The following PTPRG variants were observed in gnomAD, a reference collection of about 807,000 sequenced individuals.
The protein encoded by PTPRG is receptor-type tyrosine-protein phosphatase gamma.
Under a neutral mutation model 165.3 loss-of-function variants are expected in PTPRG, and 102 were observed. That is an observed-to-expected ratio of 0.62 (90% CI 0.53 to 0.73). The LOEUF is 0.73. Ranked by LOEUF, PTPRG falls within the 30% of genes least tolerant of loss-of-function variation. The pLI is 0.00. For missense variants in PTPRG, 1,866 were observed against 1,861.4 expected, an observed-to-expected ratio of 1.00 and a Z score of -0.05; for synonymous variants, 675 against 669.5, an observed-to-expected ratio of 1.01 and a Z score of -0.13.
rs776434402 is a variant in PTPRG, at chr3:62,281,625, C to G, written c.3828C>G (p.Thr1276=). The part of the protein sequence containing the change: ...REESMNCEAF[T]VTLISKDRLC... Reference sequence around the variant, plus strand: ...AATCCATGAACTGTGAGGCCTTTACCGTCACCCTTATCAGCAAAGACAGAC... The same window carrying G: ...AATCCATGAACTGTGAGGCCTTTACGGTCACCCTTATCAGCAAAGACAGAC... The change falls in exon 27 of 30, where the codon ACC becomes ACG. Residue 1276 remains threonine (T), a synonymous_variant. Coordinates refer to ENST00000474889, the MANE Select transcript of PTPRG (RefSeq NM_002841.4). 6.4e-7 allele frequency: 1 copy of G among 1,571,160 alleles called. No homozygotes were observed.
intron 8 of PTPRG, among the ~76,000 whole-genome samples, chr3:62,171,807 T>C (rs1480877333): frequency 6.6e-6 from 1 of 152,156 alleles, no homozygotes; most frequent in Non-Finnish European, 1.5e-5. Context: ...CACAAAGTCA[T>C]GCACCCATTG....
At chr3:61,676,186 A>G (rs1703208887) in intron 1 of PTPRG, among the ~76,000 whole-genome samples, 1 of 152,084 alleles carries the variant, frequency 6.6e-6, no homozygotes, top group Non-Finnish European at 1.5e-5. Flanking sequence ...AGGCGGGCAC[A>G]GTGGCTCACG....
intron 15 of PTPRG, among the ~76,000 whole-genome samples, chr3:62,248,112 T>G (rs972002711): frequency 1.3e-5 from 2 of 152,190 alleles, no homozygotes; most frequent in Admixed American, 1.3e-4. Flanking sequence ...TGAGGTTAAT[T>G]AGCCATGTTA....
chr3:61,676,205 C>T (rs1473641280), intron 1 of PTPRG, among the ~76,000 whole-genome samples: 3 of 151,824 alleles, frequency 2.0e-5, no homozygotes, highest in African/African-American at 7.3e-5. Context: ...CGCCTGTAAT[C>T]CCAGCACTTT....
intron 23 of PTPRG, among the ~76,000 whole-genome samples, chr3:62,275,321 A>G (rs761446793): frequency 6.9e-6 from 1 of 145,540 alleles, no homozygotes; most frequent in African/African-American, 2.6e-5. Context: ...AATCTTTTTT[A>G]ATGTAGACTC....
intron 5 of PTPRG, among the ~76,000 whole-genome samples, chr3:62,081,726 T>G (rs1189911465): frequency 6.6e-6 from 1 of 152,244 alleles, no homozygotes; most frequent in African/African-American, 2.4e-5. Context: ...AAAAAATTGT[T>G]ACTTCAATTT....
At chr3:62,193,126 C>T (rs1176052222) in intron 9 of PTPRG, among the ~76,000 whole-genome samples, 1 of 152,152 alleles carries the variant, frequency 6.6e-6, no homozygotes, top group Non-Finnish European at 1.5e-5. Flanking sequence ...ACTGGAAGTC[C>T]ATAAGGGATT....
chr3:62,221,154 T>G (rs1029872769), intron 13 of PTPRG, among the ~76,000 whole-genome samples: 1 of 152,208 alleles, frequency 6.6e-6, no homozygotes, highest in Non-Finnish European at 1.5e-5. Context: ...CTTCTGAAAA[T>G]CTCAGTGAGT....
chr3:61,851,747 A>T (rs1274987179), intron 2 of PTPRG, among the ~76,000 whole-genome samples: 3 of 152,208 alleles, frequency 2.0e-5, no homozygotes, highest in Non-Finnish European at 4.4e-5. Flanking sequence ...ACTTATTGGT[A>T]ATGAGAGAGA....
At chr3:61,798,638 T>A (rs939706566) in intron 2 of PTPRG, among the ~76,000 whole-genome samples, 54 of 151,150 alleles carry the variant, frequency 3.6e-4, no homozygotes, top group Admixed American at 9.2e-4. Context: ...TTTTTTTTTT[T>A]AAACCCTTTG....
At chr3:62,035,500 T>TG (rs1409940862) in intron 4 of PTPRG, among the ~76,000 whole-genome samples, 1 of 152,234 alleles carries the variant, frequency 6.6e-6, no homozygotes, top group Non-Finnish European at 1.5e-5. Flanking sequence ...TATTTGCTTT[T>TG]GGTCCTGTCT....
chr3:61,862,487 C>T (rs1318499730), intron 2 of PTPRG, among the ~76,000 whole-genome samples: 2 of 151,262 alleles, frequency 1.3e-5, no homozygotes, highest in African/African-American at 4.9e-5. Flanking sequence ...TCCTGGGTTC[C>T]AGCAATTGTC....
chr3:62,247,708 T>G (rs968416484), intron 15 of PTPRG, among the ~76,000 whole-genome samples: 2 of 152,168 alleles, frequency 1.3e-5, no homozygotes, highest in Admixed American at 6.5e-5. Flanking sequence ...TTGAACAAAT[T>G]TAGACACTAA....
At chr3:61,709,324 A>T (rs796447487) in intron 1 of PTPRG, among the ~76,000 whole-genome samples, 1 of 149,354 alleles carries the variant, frequency 6.7e-6, no homozygotes, top group Non-Finnish European at 1.5e-5. Context: ...TTATTTATTT[A>T]TTTTTTTTGA....
At chr3:61,794,819 C>T (rs577605664) in intron 2 of PTPRG, among the ~76,000 whole-genome samples, 10 of 152,136 alleles carry the variant, frequency 6.6e-5, no homozygotes, top group African/African-American at 1.9e-4. Flanking sequence ...GTCGGTCTCC[C>T]ACCTGAGAAT....
At chr3:62,018,841 G>A (rs1001115738) in intron 4 of PTPRG, among the ~76,000 whole-genome samples, 3 of 152,172 alleles carry the variant, frequency 2.0e-5, no homozygotes, top group African/African-American at 4.8e-5. Flanking sequence ...GGGAGAGGAA[G>A]CATTAGGTAT....
intron 2 of PTPRG, among the ~76,000 whole-genome samples, chr3:61,824,127 C>CAA (rs34044928): frequency 7.6e-6 from 1 of 131,664 alleles, no homozygotes; most frequent in Non-Finnish European, 1.6e-5. Flanking sequence ...GACTCCGTCT[C>CAA]AAAAAAAAAA....
chr3:62,215,602 A>T (rs796904770), intron 12 of PTPRG, among the ~76,000 whole-genome samples: 10 of 133,962 alleles, frequency 7.5e-5, no homozygotes, highest in African/African-American at 2.8e-4. Flanking sequence ...GGGAGAAATG[A>T]CTCCATTGTG....
Position 62,273,224 on chromosome 3 carries a change from A to T in PTPRG, c.3318+143A>T. The T allele has an allele frequency of 2.1e-6, 2 of 975,274 alleles. No individual in the cohort carries two copies. Among genetic ancestry groups the T allele is most frequent in the South Asian group, 2.0e-5 (1 of 50,666 alleles). The allele number at this position is 975,274 out of a possible 1,614,324, so 60.4% of individuals were successfully genotyped here. A position where few individuals can be genotyped will look rare whatever the true frequency, so the allele number is the denominator to read the frequency against. On this transcript the variant is annotated intron_variant, in intron 22 of 29. Coordinates refer to ENST00000474889, the MANE Select transcript of PTPRG (RefSeq NM_002841.4). This position sits in a 1 kb window ranked among gnomAD's most constrained non-coding sequence, Gnocchi z 4.1. The stretch of plus-strand genomic sequence containing the variant: ...TGTATTAGAAGATATTCTGACAATG[A>T]TCCTATTCTACGGATCACAGTTTTC...
Sources: allele counts gnomAD v4.1 joint callset (sites outside exome capture counted in the v4.1 genomes callset), GRCh38; gene constraint gnomAD v4.1.1; non-coding constraint Gnocchi (gnomAD v3.1); transcripts MANE v1.5; gene names NCBI Gene and HGNC (gene_info 2026-07-23, HGNC 2026-07-21).